Variants in DEPDC5 observed in about 807,000 individuals in gnomAD.
DEPDC5 encodes the protein DEP domain containing 5, GATOR1 subcomplex subunit.
In DEPDC5, 73 loss-of-function variants were observed where a neutral mutation model predicts 217.3. The observed-to-expected ratio is 0.34, with a 90% CI of 0.28 to 0.41. The LOEUF is 0.41. Ranked by LOEUF, DEPDC5 falls within the 10% of genes least tolerant of loss-of-function variation. DEPDC5 has a pLI of 1.00. For missense variants in DEPDC5, 1,675 were observed against 2,070.1 expected (o/e 0.81, Z 3.70); for synonymous variants, 733 against 756.7 (o/e 0.97, Z 0.51).
At chr22:31,857,319 G>A (rs1392343284) in intron 31 of DEPDC5, 126 bp from the exon 32 acceptor site, 1 of 730,126 alleles carries the variant, frequency 1.4e-6, no homozygotes, top group African/African-American at 1.8e-5. Flanking sequence ...GGTCTGGAAA[G>A]GGAAACAAGG....
At chr22:31,759,808 G>A (rs1426397113) in intron 3 of DEPDC5, among the ~76,000 whole-genome samples, 1 of 148,842 alleles carries the variant, frequency 6.7e-6, no homozygotes, top group African/African-American at 2.5e-5. Context: ...TCAGCCTGTC[G>A]AGTAGCTGGA....
chr22:31,839,801 A>G (rs367939997), intron 27 of DEPDC5, among the ~76,000 whole-genome samples: 4 of 152,272 alleles, frequency 2.6e-5, no homozygotes, highest in East Asian at 1.9e-4. Flanking sequence ...GTCCTCCACA[A>G]TGGAAACTAC....
At chr22:31,843,273 TTG>T in intron 28 of DEPDC5, 61 bp downstream of exon 28, 1 of 1,505,686 alleles carries the variant, frequency 6.6e-7, no homozygotes, top group Non-Finnish European at 9.2e-7. Context: ...ACATACTAAA[TTG>T]TGTGTATAGT....
Position 31,846,956 on chromosome 22 carries a change from G to A in DEPDC5, c.3144G>A (p.Glu1048=), listed in dbSNP as rs911753236. 13 of 1,614,130 alleles carry A rather than the reference G, an allele frequency of 8.1e-6. No homozygotes were observed. Among genetic ancestry groups the A allele is most frequent in the African/African-American group, 6.7e-5 (5 of 74,946 alleles). ...TSALSALLEM[E]ASQKCLGEQQ... Reference sequence around the variant, plus strand: ...CTCTCTCTGCCCTGTTGGAGATGGAGGCCAGTCAGAAGTAAGTGCTTGGTG... The same window carrying A: ...CTCTCTCTGCCCTGTTGGAGATGGAAGCCAGTCAGAAGTAAGTGCTTGGTG... The change falls in exon 31 of 43, where the codon GAG becomes GAA. Residue 1048 remains glutamate (E), a synonymous_variant. Transcript: ENST00000651528.
Position 31,857,579 on chromosome 22 carries a change from G to C in DEPDC5, c.3264+26G>C, listed in dbSNP as rs765025002. The C allele has an allele frequency of 7.0e-6, 11 of 1,566,026 alleles. No homozygotes were observed. The Admixed American group carries it at 2.0e-4, about 28-fold the overall frequency. On this transcript the variant is annotated intron_variant, in intron 32 of 42. Coordinates refer to ENST00000651528, the MANE Select transcript of DEPDC5 (RefSeq NM_001242896.3). The stretch of plus-strand genomic sequence containing the variant: ...GTAAAGGAAGCCGCGGTAGCAGGGA[G>C]CTGTTCTGTGCTCTCAGAGACTCAG...
chr22:31,841,197 G>A (rs2091371238), intron 27 of DEPDC5, among the ~76,000 whole-genome samples: 1 of 152,214 alleles, frequency 6.6e-6, no homozygotes, highest in Admixed American at 6.5e-5. Flanking sequence ...GTTGGACCTG[G>A]GGTCCCCTGA....
At chr22:31,856,658 T>C (rs1473901272) in intron 31 of DEPDC5, among the ~76,000 whole-genome samples, 1 of 152,196 alleles carries the variant, frequency 6.6e-6, no homozygotes, top group Non-Finnish European at 1.5e-5. Context: ...TCTGTTAGTT[T>C]GGTTTGGAGG....
chr22:31,797,074 A>G (rs1016055026), intron 12 of DEPDC5, among the ~76,000 whole-genome samples: 5 of 140,496 alleles, frequency 3.6e-5, no homozygotes, highest in Admixed American at 1.5e-4. Flanking sequence ...TTTTTTTTTG[A>G]GACAGAGTCT....
Position 31,797,712 on chromosome 22 carries a change from T to C in DEPDC5, c.871+9T>C, listed in dbSNP as rs373471598. Reference sequence around the variant, plus strand: ...GCGACTGGAACAGGCAGGTACTGCATTCATGTAATAGATGGTGCGGCGGGG... The same window carrying C: ...GCGACTGGAACAGGCAGGTACTGCACTCATGTAATAGATGGTGCGGCGGGG... On this transcript the variant is annotated intron_variant, in intron 13 of 42. Transcript: ENST00000651528. The C allele has an allele frequency of 2.6e-5, 41 of 1,605,340 alleles. No homozygotes were observed. The highest frequency in any genetic ancestry group is 3.3e-5 in the Non-Finnish European group (39 of 1,172,128).
At chr22:31,846,326 A>G (rs2091734502) in intron 30 of DEPDC5, among the ~76,000 whole-genome samples, 1 of 152,210 alleles carries the variant, frequency 6.6e-6, no homozygotes, top group Non-Finnish European at 1.5e-5. Context: ...TTTAATCACC[A>G]GGGAATGTTC....
At chr22:31,884,626 GC>G (rs1215985729) in intron 38 of DEPDC5, among the ~76,000 whole-genome samples, 1 of 152,120 alleles carries the variant, frequency 6.6e-6, no homozygotes, top group Non-Finnish European at 1.5e-5. Context: ...TCGGGTCTCA[GC>G]CTGCCCTCAT....
At chr22:31,799,741 C>T (rs1436082329) in intron 14 of DEPDC5, among the ~76,000 whole-genome samples, 2 of 150,734 alleles carry the variant, frequency 1.3e-5, no homozygotes, top group Non-Finnish European at 2.9e-5. Flanking sequence ...ACCTCGTGAT[C>T]CACCTACCTT....
intron 18 of DEPDC5, among the ~76,000 whole-genome samples, chr22:31,808,510 C>G (rs553728893): frequency 1.3e-5 from 2 of 152,122 alleles, no homozygotes; most frequent in Non-Finnish European, 2.9e-5. Context: ...TCTCGGCTCA[C>G]TGCAACCTCC....
In DEPDC5 at chr22:31,874,421, G is replaced by T. The variant is rs1383041964; in HGVS notation, c.3696+16G>T. The stretch of plus-strand genomic sequence containing the variant: ...CATCATGCAGGTGAGACAGCAAGAG[G>T]GGCCCATAGAGCTGTTTGCTTAGGT... On this transcript the variant is annotated intron_variant, in intron 36 of 42. Transcript: ENST00000651528. 6.2e-7 allele frequency: 1 copy of T among 1,605,332 alleles called. No individual in the cohort carries two copies. The highest frequency in any genetic ancestry group is 8.5e-7 in the Non-Finnish European group (1 of 1,176,076).
At chr22:31,784,641 T>C in intron 9 of DEPDC5, 173 bp from the exon 10 acceptor site, 1 of 511,228 alleles carries the variant, frequency 2.0e-6, no homozygotes, top group Non-Finnish European at 3.4e-6. Context: ...AAAAAAGATG[T>C]ACAAAATACA....
In DEPDC5 at chr22:31,819,331, T is replaced by G. The variant is rs890069542; in HGVS notation, c.1870+106T>G. The stretch of plus-strand genomic sequence containing the variant: ...GGTCAGGTGCCTCTGTTGCTCCACC[T>G]GTAAGATGGGATAACCATGCCCACT... On this transcript the variant is annotated intron_variant, in intron 22 of 42. Coordinates refer to ENST00000651528, the MANE Select transcript of DEPDC5 (RefSeq NM_001242896.3). 2.4e-6 allele frequency: 3 copies of G among 1,226,004 alleles called. No individual in the cohort carries two copies. The East Asian group carries it at 7.4e-5, about 30-fold the overall frequency. The allele number at this position is 1,226,004 out of a possible 1,614,324, so 75.9% of individuals were successfully genotyped here.
At chr22:31,874,043 T>A in intron 35 of DEPDC5, 2 of 480,252 alleles carry the variant, frequency 4.2e-6, no homozygotes, top group East Asian at 1.0e-4. Context: ...TCCACCCGCC[T>A]CAGCCTCCCA....
rs1408397783 is a variant in DEPDC5 at position 31,784,895 on chromosome 22, CTAAGTCTCAT to C, written c.624+23_624+32del. The C allele has an allele frequency of 6.2e-7, 1 of 1,603,414 alleles. No individual in the cohort carries two copies. Among genetic ancestry groups the C allele is most frequent in the African/African-American group, 1.3e-5 (1 of 74,646 alleles). On this transcript the variant is annotated intron_variant, in intron 10 of 42. Coordinates refer to ENST00000651528, the MANE Select transcript of DEPDC5 (RefSeq NM_001242896.3). ...TGGAAGGTACATTTCTTCTTACACACTAAGTCTCATTATGTAAACATTACTCAATCAGATT... is the reference window on the plus strand; with the variant it reads ...TGGAAGGTACATTTCTTCTTACACACTATGTAAACATTACTCAATCAGATT...
chr22:31,902,088 A>G (rs2093657924), intron 41 of DEPDC5, among the ~76,000 whole-genome samples: 1 of 152,202 alleles, frequency 6.6e-6, no homozygotes, highest in Non-Finnish European at 1.5e-5. Flanking sequence ...CCCTAGGCCA[A>G]GCTATTCAGG....
Sources: allele counts gnomAD v4.1 joint callset (sites outside exome capture counted in the v4.1 genomes callset), GRCh38; gene constraint gnomAD v4.1.1; transcripts MANE v1.5; gene names NCBI Gene and HGNC (gene_info 2026-07-23, HGNC 2026-07-21).